CCP110: variants seen among roughly 807,000 people sequenced by gnomAD.
The protein encoded by CCP110 is centriolar coiled-coil protein 110, also known as centriolar coiled-coil protein of 110 kDa.
CCP110 carries 43 observed loss-of-function variants against 105.5 expected under a neutral mutation model. That is an observed-to-expected ratio of 0.41 (90% CI 0.32 to 0.53). The LOEUF is 0.53. Ranked by LOEUF, CCP110 falls within the 20% of genes least tolerant of loss-of-function variation. The pLI is 0.32. For missense variants in CCP110, 1,016 were observed against 1,189.1 expected, an observed-to-expected ratio of 0.85 and a Z score of 2.14; for synonymous variants, 353 against 392.1, an observed-to-expected ratio of 0.90 and a Z score of 1.18.
At chr16:19,551,365 G>C in exon 15 of CCP110, 1 of 848,790 alleles carries the variant, frequency 1.2e-6, no homozygotes, top group Non-Finnish European at 2.0e-6. Flanking sequence ...GACATCAGAA[G>C]GCTGAGCACT....
rs1308952456 is a variant in CCP110, at chr16:19,548,050, A to G, written c.2900+36A>G. 1 of 1,386,990 alleles carries G rather than the reference A, an allele frequency of 7.2e-7. No homozygotes were observed. Among genetic ancestry groups the G allele is most frequent in the Non-Finnish European group, 1.0e-6 (1 of 975,922 alleles). The allele number at this position is 1,386,990 out of a possible 1,614,324, so 85.9% of individuals were successfully genotyped here. A position where few individuals can be genotyped will look rare whatever the true frequency, so the allele number is the denominator to read the frequency against. On this transcript the variant is annotated intron_variant, in intron 13 of 14. Transcript: ENST00000381396. The surrounding 1 kb of genome is among the most constrained non-coding windows in gnomAD (Gnocchi z 4.1). ...CACACACGGGTATTGAAAACTACGG[A>G]AACCAAGATTAGATTTGAGAGGGAA...
intron 12 of CCP110, 36 bp from the exon 13 acceptor site, chr16:19,547,919 C>T (rs1037380813): frequency 2.8e-6 from 4 of 1,425,046 alleles, no homozygotes; most frequent in Non-Finnish European, 4.0e-6. Flanking sequence ...TGGAATTTAA[C>T]CTATTAAATT....
At chr16:19,551,247 A>T (rs1399124688) in exon 15 of CCP110, 2 of 1,611,062 alleles carry the variant, frequency 1.2e-6, no homozygotes, top group Non-Finnish European at 1.7e-6. Flanking sequence ...GCGACAATTT[A>T]AGAAGACAAC....
chr16:19,524,178 G>A (rs73527705), intron 1 of CCP110, 90 bp downstream of exon 1: 3,539 of 153,052 alleles, frequency 0.023, 153 homozygotes, highest in African/African-American at 0.08. Context: ...AGAAGCTGAG[G>A]GCGGGCTCTG....
chr16:19,533,957 A>G (rs759436587), intron 3 of CCP110, among the ~76,000 whole-genome samples: 6 of 152,184 alleles, frequency 3.9e-5, no homozygotes, highest in Non-Finnish European at 8.8e-5. Flanking sequence ...CTATGTAATG[A>G]GTCTTCAGAA....
At chr16:19,546,815 CA>C (rs11362495) in intron 12 of CCP110, 24,804 of 100,098 alleles carry the variant, frequency 0.25, 2,588 homozygotes, top group East Asian at 0.46. Context: ...AACTCTATCT[CA>C]AAAAAAAAAA....
chr16:19,542,164 C>A, intron 6 of CCP110, 100 bp downstream of exon 6: 1 of 784,856 alleles, frequency 1.3e-6, no homozygotes, highest in South Asian at 2.1e-5. Context: ...TCAAATGATT[C>A]CATGTCCAAC....
intron 14 of CCP110, among the ~76,000 whole-genome samples, chr16:19,550,105 T>G (rs1341074908): frequency 6.6e-6 from 1 of 152,172 alleles, no homozygotes; most frequent in African/African-American, 2.4e-5. Flanking sequence ...AAAGATTTAC[T>G]TATACATGAG....
chr16:19,532,577 A>T (rs775758398), intron 3 of CCP110, 33 bp downstream of exon 3: 1 of 1,528,242 alleles, frequency 6.5e-7, no homozygotes, highest in Non-Finnish European at 8.8e-7. Flanking sequence ...GTTATAATAA[A>T]GAAATCATAA....
At chr16:19,541,478 A>T (rs917053876) in intron 5 of CCP110, among the ~76,000 whole-genome samples, 1 of 151,988 alleles carries the variant, frequency 6.6e-6, no homozygotes, top group Non-Finnish European at 1.5e-5. Flanking sequence ...CTACTAAAAA[A>T]TACAAAATGG....
At chr16:19,540,315 C>T (rs1970232116) in intron 4 of CCP110, among the ~76,000 whole-genome samples, 1 of 152,034 alleles carries the variant, frequency 6.6e-6, no homozygotes, top group Non-Finnish European at 1.5e-5. Flanking sequence ...GGACAAGTGT[C>T]AAAAAAACAA....
At chr16:19,551,539 C>T (rs1171657018) in exon 15 of CCP110, 3 of 308,102 alleles carry the variant, frequency 9.7e-6, no homozygotes, top group Admixed American at 9.6e-5. Flanking sequence ...TCTACAGAGA[C>T]CCTTTTTGTA....
chr16:19,550,240 C>A (rs1970592682), intron 14 of CCP110, among the ~76,000 whole-genome samples: 1 of 151,906 alleles, frequency 6.6e-6, no homozygotes, highest in African/African-American at 2.4e-5. Context: ...CAATCTCCAC[C>A]TCCTGGGTTC....
intron 2 of CCP110, among the ~76,000 whole-genome samples, chr16:19,530,996 A>G (rs1969848301): frequency 6.6e-6 from 1 of 152,176 alleles, no homozygotes; most frequent in South Asian, 2.1e-4. Flanking sequence ...AAGTTACATA[A>G]TGTTTAGTTG....
chr16:19,546,530 A>T (rs1970465268), intron 12 of CCP110, 56 bp downstream of exon 12: 1 of 1,123,530 alleles, frequency 8.9e-7, no homozygotes, highest in Admixed American at 2.0e-5. Context: ...TAGAAAAAAA[A>T]AATTGGCTGG....
At position 19,540,746 on chromosome 16, in the gene CCP110, C is replaced by T; in HGVS notation, c.2008C>T (p.Leu670Phe). 3.1e-6 allele frequency: 5 copies of T among 1,613,466 alleles called. No individual in the cohort carries two copies. Among genetic ancestry groups the T allele is most frequent in the Non-Finnish European group, 4.2e-6 (5 of 1,179,510 alleles). The change falls in exon 5 of 15, where the codon CTC becomes TTC. Residue 670 changes from leucine (L) to phenylalanine (F), a missense_variant. Leu to Phe is a conservative substitution (Grantham distance 22, BLOSUM62 0). Transcript: ENST00000381396. ...ACAGCACGCCCAGCAATTATCACTA[C>T]TCATAGCTGAGCAGGAAAGGGAACA... is the stretch of plus-strand genomic sequence containing the variant.
At chr16:19,550,636 G>T (rs1567369086) in intron 14 of CCP110, among the ~76,000 whole-genome samples, 1 of 152,172 alleles carries the variant, frequency 6.6e-6, no homozygotes, top group Non-Finnish European at 1.5e-5. Context: ...TGCTCTAAAT[G>T]GAGGCAAATC....
chr16:19,528,056 TGTAGTGAACAACTAAAACA>T (rs760874521), intron 2 of CCP110, 34 bp downstream of exon 2: 3 of 1,570,628 alleles, frequency 1.9e-6, no homozygotes, highest in Non-Finnish European at 2.6e-6. Flanking sequence ...AGTTTTTTTC[TGTAGTGAACAACTAAAACA>T]GTTCGTGGAA....
At chr16:19,532,565 C>G in intron 3 of CCP110, 21 bp downstream of exon 3, 1 of 1,556,224 alleles carries the variant, frequency 6.4e-7, no homozygotes, top group Admixed American at 2.2e-5. Context: ...TTAGCTGTTT[C>G]AGTTATAATA....
Sources: allele counts gnomAD v4.1 joint callset (sites outside exome capture counted in the v4.1 genomes callset), GRCh38; gene constraint gnomAD v4.1.1; non-coding constraint Gnocchi (gnomAD v3.1); transcripts MANE v1.5; gene names NCBI Gene and HGNC (gene_info 2026-07-23, HGNC 2026-07-21).